The following PRDM16 variants were observed in gnomAD, a reference collection of about 807,000 sequenced individuals.
PRDM16 encodes PR/SET domain 16.
A neutral mutation model predicts 110.6 loss-of-function variants in PRDM16; 23 were observed. That is an observed-to-expected ratio of 0.21 (90% CI 0.15 to 0.29). The LOEUF (loss-of-function observed/expected upper bound fraction) is 0.29, where lower values mean the gene tolerates loss of function less well. Ranked by LOEUF, PRDM16 falls within the 10% of genes least tolerant of loss-of-function variation. The pLI, the probability that PRDM16 is intolerant of heterozygous loss-of-function variation, is 1.00. For missense variants in PRDM16, 1,615 were observed against 1,794.3 expected (o/e 0.90, Z 1.81); for synonymous variants, 799 against 781.8 (o/e 1.02, Z -0.37).
chr1:3,371,396 A>G (rs1287484447), intron 3 of PRDM16, among the ~76,000 whole-genome samples: 2 of 150,484 alleles, frequency 1.3e-5, no homozygotes, highest in Non-Finnish European at 3.0e-5. Flanking sequence ...TCACCCACCC[A>G]TGCATCCATC....
intron 1 of PRDM16, among the ~76,000 whole-genome samples, chr1:3,134,117 G>A (rs937081763): frequency 2.6e-5 from 4 of 152,214 alleles, no homozygotes; most frequent in Non-Finnish European, 5.9e-5. Flanking sequence ...GGGAGCAGGA[G>A]GCCTGGGCTC....
intron 2 of PRDM16, among the ~76,000 whole-genome samples, chr1:3,241,245 G>A (rs1639667558): frequency 6.6e-6 from 1 of 152,268 alleles, no homozygotes. Flanking sequence ...TTCTTTCTCT[G>A]TTGCCATCGG....
In PRDM16 at chr1:3,201,135, A is replaced by G. The variant is rs1638615042; in HGVS notation, c.387+14661A>G. 2.0e-5 allele frequency among the ~76,000 whole-genome samples: 3 copies of G among 152,124 alleles called. No homozygotes were observed. In the South Asian group the frequency reaches 6.2e-4, roughly 32 times the overall value. ...ATCAGGACCCCTGAGTTTTGGGAGC[A>G]TAGACCACGCTGCCTTCTTTTGAGG... On this transcript the variant is annotated intron_variant, in intron 2 of 16. Coordinates refer to ENST00000270722, the MANE Select transcript of PRDM16 (RefSeq NM_022114.4). This position sits in a 1 kb window ranked among gnomAD's most constrained non-coding sequence, Gnocchi z 4.1.
intron 3 of PRDM16, among the ~76,000 whole-genome samples, chr1:3,274,542 A>G (rs573245618): frequency 6.6e-6 from 1 of 152,362 alleles, no homozygotes; most frequent in East Asian, 1.9e-4. Context: ...ATTCTTTGAA[A>G]TAAAATAGTG....
In PRDM16 at chr1:3,111,477, A is replaced by AGGGAGG. The variant is rs1553126572; in HGVS notation, c.37+42181_37+42182insGGGAGG. Among the ~76,000 whole-genome samples the AGGGAGG allele has an allele frequency of 1.8e-4, 27 of 149,304 alleles. 1 individual carries two copies. Among genetic ancestry groups the AGGGAGG allele is most frequent in the Non-Finnish European group, 2.4e-4 (16 of 66,610 alleles). On this transcript the variant is annotated intron_variant, in intron 1 of 16. Transcript: ENST00000270722. ...CACGCGGACTCCTGTGGGGAGGAGG[A>AGGGAGG]CAGGCAAGGAGGCCTCGAAGAGGGA...
At chr1:3,340,178 C>T (rs1474438432) in intron 3 of PRDM16, among the ~76,000 whole-genome samples, 2 of 152,084 alleles carry the variant, frequency 1.3e-5, no homozygotes, top group African/African-American at 2.4e-5. Context: ...GGGTCTGCCT[C>T]GGGGGATCCT....
At chr1:3,178,334 C>A (rs1019335853) in intron 1 of PRDM16, among the ~76,000 whole-genome samples, 3 of 152,310 alleles carry the variant, frequency 2.0e-5, no homozygotes, top group East Asian at 1.9e-4. Context: ...AATCTCCCCT[C>A]CCTCCCGCAG....
intron 1 of PRDM16, among the ~76,000 whole-genome samples, chr1:3,110,626 G>A (rs148764844): frequency 2.0e-3 from 298 of 152,362 alleles, no homozygotes; most frequent in African/African-American, 6.9e-3. Context: ...TGGACCTAAC[G>A]TGGGTGTTTT....
At chr1:3,368,950 G>A (rs1336217398) in intron 3 of PRDM16, among the ~76,000 whole-genome samples, 2 of 152,220 alleles carry the variant, frequency 1.3e-5, no homozygotes, top group Admixed American at 1.3e-4. Context: ...CCTCGGAGAG[G>A]CCGTGGGGTT....
chr1:3,114,261 CACACGT>C (rs1217378962), intron 1 of PRDM16, among the ~76,000 whole-genome samples: 67 of 144,462 alleles, frequency 4.6e-4, no homozygotes, highest in African/African-American at 1.7e-3. Flanking sequence ...CACGCACGCG[CACACGT>C]ACACACACGC....
chr1:3,212,665 T>C, intron 2 of PRDM16, among the ~76,000 whole-genome samples: 2 of 149,634 alleles, frequency 1.3e-5, no homozygotes, highest in Admixed American at 6.7e-5. Context: ...GTCCTCCCGC[T>C]CATCCTCCCG....
intron 3 of PRDM16, among the ~76,000 whole-genome samples, chr1:3,368,436 GT>G (rs1460783401): frequency 2.0e-5 from 3 of 152,228 alleles, no homozygotes; most frequent in Non-Finnish European, 4.4e-5. Context: ...ATCCATGGCT[GT>G]TCTGAGCATC....
intron 3 of PRDM16, among the ~76,000 whole-genome samples, chr1:3,379,223 C>T (rs574805487): frequency 2.2e-5 from 2 of 91,560 alleles, no homozygotes; most frequent in Admixed American, 2.0e-4. Flanking sequence ...CCAGCACACC[C>T]CTCCCAACAC....
intron 1 of PRDM16, among the ~76,000 whole-genome samples, chr1:3,106,339 C>T (rs891136974): frequency 5.3e-5 from 8 of 152,050 alleles, no homozygotes; most frequent in East Asian, 1.9e-4. Context: ...GCAGAGGGGC[C>T]GGGGCACTGG....
At chr1:3,367,499 A>G (rs1642837062) in intron 3 of PRDM16, among the ~76,000 whole-genome samples, 1 of 152,174 alleles carries the variant, frequency 6.6e-6, no homozygotes, top group African/African-American at 2.4e-5. Flanking sequence ...AGCTGATCCC[A>G]GGCCTAACGC....
chr1:3,386,326 G>A (rs1256882003), intron 4 of PRDM16, among the ~76,000 whole-genome samples: 1 of 152,216 alleles, frequency 6.6e-6, no homozygotes, highest in Non-Finnish European at 1.5e-5. Flanking sequence ...GCAAGCCATT[G>A]AAAGTGATTC....
chr1:3,120,401 A>G (rs1438804439), intron 1 of PRDM16, among the ~76,000 whole-genome samples: 1 of 151,990 alleles, frequency 6.6e-6, no homozygotes, highest in Non-Finnish European at 1.5e-5. Flanking sequence ...CCGGTGACAA[A>G]CAGGAGCTGC....
At chr1:3,269,812 G>A (rs1023946633) in intron 3 of PRDM16, among the ~76,000 whole-genome samples, 2 of 149,906 alleles carry the variant, frequency 1.3e-5, no homozygotes, top group African/African-American at 2.5e-5. Flanking sequence ...CAGTCCCAGA[G>A]AATGACAGGG....
chr1:3,427,581 G>A (rs1638646072), intron 14 of PRDM16, among the ~76,000 whole-genome samples: 1 of 152,142 alleles, frequency 6.6e-6, no homozygotes, highest in Admixed American at 6.5e-5. Flanking sequence ...TAGGAGAGTG[G>A]GGGTACCTGG....
Sources: gnomAD v4.1 joint callset for allele counts (sites outside exome capture counted in the v4.1 genomes callset) on GRCh38, gnomAD v4.1.1 for gene constraint, Gnocchi (gnomAD v3.1) non-coding constraint, MANE v1.5 for transcripts, NCBI Gene and HGNC (gene_info 2026-07-23, HGNC 2026-07-21) for gene names.